Variants in KIAA1549L observed in about 807,000 individuals in gnomAD.
The protein encoded by KIAA1549L is UPF0606 protein KIAA1549L.
In KIAA1549L, 88 loss-of-function variants were observed where a neutral mutation model predicts 160.7. The ratio of observed to expected loss-of-function variants is 0.55; its 90% CI spans 0.46 to 0.65. KIAA1549L has a LOEUF of 0.65. KIAA1549L is among the 30% of genes least tolerant of loss of function. The pLI is 0.00. For synonymous variants in KIAA1549L, 950 were observed against 976.7 expected, an observed-to-expected ratio of 0.97 and a Z score of 0.51; for missense variants, 2,258 against 2,437.5, an observed-to-expected ratio of 0.93 and a Z score of 1.55.
intron 9 of KIAA1549L, 29 bp from the exon 10 acceptor site, chr11:33,574,673 C>A: frequency 3.8e-6 from 6 of 1,594,498 alleles, no homozygotes; most frequent in South Asian, 1.1e-5. Flanking sequence ...AAATGCCCTG[C>A]AAACACTCGG....
chr11:33,612,068 T>G (rs892351130), intron 15 of KIAA1549L, among the ~76,000 whole-genome samples: 1 of 152,100 alleles, frequency 6.6e-6, no homozygotes, highest in Non-Finnish European at 1.5e-5. Flanking sequence ...CAAAAACAAC[T>G]TTTAAAACAT....
intron 1 of KIAA1549L, among the ~76,000 whole-genome samples, chr11:33,496,898 C>G (rs918819137): frequency 6.6e-6 from 1 of 152,244 alleles, no homozygotes; most frequent in Middle Eastern, 3.4e-3. Context: ...AAATCATGTT[C>G]CAGCCACAGT....
chr11:33,622,399 A>G (rs1850982318), intron 16 of KIAA1549L, among the ~76,000 whole-genome samples: 1 of 152,216 alleles, frequency 6.6e-6, no homozygotes, highest in Non-Finnish European at 1.5e-5. Flanking sequence ...CTCTTCCTCA[A>G]GCAGGAAGAT....
chr11:33,530,436 AATATATATATATATATATATAT>A (rs869093534), intron 1 of KIAA1549L, among the ~76,000 whole-genome samples: 6 of 11,892 alleles, frequency 5.0e-4, no homozygotes, highest in East Asian at 3.4e-3. Context: ...AAAAAAAAAA[AATATATATATATATATATATAT>A]ATATATATAT....
Position 33,673,028 on chromosome 11 carries a change from T to A in KIAA1549L, c.*4874T>A, listed in dbSNP as rs938498327. The A allele has an allele frequency of 6.6e-6, 1 of 152,292 alleles. No homozygotes were observed. Among genetic ancestry groups the A allele is most frequent in the African/African-American group, 2.4e-5 (1 of 41,458 alleles). 9.4% of individuals were successfully genotyped at this position (152,292 alleles called of 1,614,324 possible). A position where few individuals can be genotyped will look rare whatever the true frequency, so the allele number is the denominator to read the frequency against. ...TATAATAACTTAGTGTCCTGAGAAT[T>A]GAAAGGCCTCTTGATTTCTTAGGTG... On this transcript the variant is annotated 3_prime_UTR_variant, in exon 21 of 21. Coordinates refer to ENST00000658780, the MANE Select transcript of KIAA1549L (RefSeq NM_012194.3).
Position 33,614,531 on chromosome 11 carries a change from G to GCTATGTATATATAT in KIAA1549L, c.5280-4002_5280-4001insCTATGTATATATAT, listed in dbSNP as rs879500574. Among the ~76,000 whole-genome samples, 3 of 27,104 alleles carry GCTATGTATATATAT rather than the reference G, an allele frequency of 1.1e-4. No homozygotes were observed. In the Admixed American group the frequency reaches 2.0e-3, roughly 18 times the overall value. 17.8% of individuals were successfully genotyped at this position (27,104 alleles called of 152,430 possible). A position where few individuals can be genotyped will look rare whatever the true frequency, so the allele number is the denominator to read the frequency against. ...CTCTTGGGATCTGTGAGTGTAACAA[G>GCTATGTATATATAT]ATATATATATATATATATATATATA... On this transcript the variant is annotated intron_variant, in intron 15 of 20. Coordinates refer to ENST00000658780, the MANE Select transcript of KIAA1549L (RefSeq NM_012194.3).
At chr11:33,391,176 G>C (rs1850266429) in intron 1 of KIAA1549L, among the ~76,000 whole-genome samples, 1 of 152,186 alleles carries the variant, frequency 6.6e-6, no homozygotes, top group South Asian at 2.1e-4. Context: ...ATAAAAAATT[G>C]CAATTTCCTT....
At chr11:33,642,770 T>C (rs2133398356) in intron 16 of KIAA1549L, among the ~76,000 whole-genome samples, 1 of 152,266 alleles carries the variant, frequency 6.6e-6, no homozygotes, top group Admixed American at 6.5e-5. Flanking sequence ...ACAAGGAAGT[T>C]AAGTTTAAAA....
At position 33,621,051 on chromosome 11, in the gene KIAA1549L, G is replaced by A. The variant is rs1020914060; in HGVS notation, c.5409+2389G>A. 1.3e-4 allele frequency among the ~76,000 whole-genome samples: 20 copies of A among 152,300 alleles called. 1 individual carries two copies. The highest frequency in any genetic ancestry group is 1.2e-3 in the Admixed American group (18 of 15,298). On this transcript the variant is annotated intron_variant, in intron 16 of 20. Transcript: ENST00000658780. ...CAAAATATCCAGTCCTTTCTGCCAGGTTGGGGAACCTTGACACCGTAGAAG... is the reference window on the plus strand; with the variant it reads ...CAAAATATCCAGTCCTTTCTGCCAGATTGGGGAACCTTGACACCGTAGAAG...
chr11:33,655,259 A>G (rs1590449680), intron 17 of KIAA1549L, among the ~76,000 whole-genome samples: 1 of 151,256 alleles, frequency 6.6e-6, no homozygotes, highest in East Asian at 1.9e-4. Context: ...AAAGACATAC[A>G]CACACACACA....
At chr11:33,398,111 G>C (rs1224455621) in intron 1 of KIAA1549L, among the ~76,000 whole-genome samples, 2 of 150,928 alleles carry the variant, frequency 1.3e-5, no homozygotes, top group Non-Finnish European at 3.0e-5. Context: ...TAGTAGAGAC[G>C]GGGTTTCGCC....
intron 4 of KIAA1549L, among the ~76,000 whole-genome samples, chr11:33,549,849 A>T (rs1854396422): frequency 6.6e-6 from 1 of 151,928 alleles, no homozygotes; most frequent in African/African-American, 2.4e-5. Flanking sequence ...TACAAAACAT[A>T]TGTAAGTTAG....
intron 1 of KIAA1549L, among the ~76,000 whole-genome samples, chr11:33,467,257 T>A (rs1852083148): frequency 6.7e-6 from 1 of 150,194 alleles, no homozygotes; most frequent in African/African-American, 2.4e-5. Flanking sequence ...AGGTGAGGGG[T>A]GGGAAAGGCA....
At chr11:33,482,097 T>G (rs556058438) in intron 1 of KIAA1549L, among the ~76,000 whole-genome samples, 34 of 152,372 alleles carry the variant, frequency 2.2e-4, no homozygotes, top group African/African-American at 8.2e-4. Flanking sequence ...ATGTTTTGTA[T>G]TACTATTTCA....
intron 1 of KIAA1549L, among the ~76,000 whole-genome samples, chr11:33,398,363 T>A (rs2134060878): frequency 6.6e-6 from 1 of 152,096 alleles, no homozygotes; most frequent in South Asian, 2.1e-4. Flanking sequence ...TGGGGTAAGC[T>A]GAGTACAGGA....
At chr11:33,647,099 C>T (rs1851743287) in intron 17 of KIAA1549L, among the ~76,000 whole-genome samples, 1 of 152,082 alleles carries the variant, frequency 6.6e-6, no homozygotes, top group Non-Finnish European at 1.5e-5. Context: ...AAATATTAAT[C>T]ATGGGTTGGA....
chr11:33,501,367 A>C (rs1394163657), intron 1 of KIAA1549L, among the ~76,000 whole-genome samples: 1 of 152,254 alleles, frequency 6.6e-6, no homozygotes, highest in Non-Finnish European at 1.5e-5. Flanking sequence ...TAGATAACAT[A>C]TCTCTCACTG....
At chr11:33,387,207 G>C (rs577133093) in intron 1 of KIAA1549L, among the ~76,000 whole-genome samples, 1 of 152,284 alleles carries the variant, frequency 6.6e-6, no homozygotes, top group East Asian at 1.9e-4. Context: ...TTTAAGGCCC[G>C]TGAGCTTACA....
rs1007243786 is a variant in KIAA1549L, at chr11:33,395,991, G to A, written c.238+19102G>A. Among the ~76,000 whole-genome samples the A allele has an allele frequency of 7.9e-5, 12 of 152,182 alleles. No homozygotes were observed. The East Asian group carries it at 2.3e-3, about 29-fold the overall frequency. On this transcript the variant is annotated intron_variant, in intron 1 of 20. Transcript: ENST00000658780. ...GACTTTCTGATTTATTTGGGGGCAGGTTTGAGGTTAACTGGAAGGAATTGG... is the reference window on the plus strand; with the variant it reads ...GACTTTCTGATTTATTTGGGGGCAGATTTGAGGTTAACTGGAAGGAATTGG...
Sources: allele counts gnomAD v4.1 joint callset (sites outside exome capture counted in the v4.1 genomes callset), GRCh38; gene constraint gnomAD v4.1.1; transcripts MANE v1.5; gene names NCBI Gene and HGNC (gene_info 2026-07-23, HGNC 2026-07-21).